The following WWOX variants were observed in gnomAD, a reference collection of about 807,000 sequenced individuals.
WWOX encodes WW domain containing oxidoreductase.
In WWOX, 69 loss-of-function variants were observed where a neutral mutation model predicts 46.2. The observed-to-expected ratio is 1.49, with a 90% confidence interval of 1.23 to 1.82. The LOEUF is 1.82. Among genes scored for constraint, WWOX ranks in the 40% most tolerant of loss-of-function variants. The pLI, the probability that WWOX is intolerant of heterozygous loss-of-function variation, is 0.00. For missense variants in WWOX, 919 were observed against 542.6 expected, an observed-to-expected ratio of 1.69 and a Z score of -6.89; for synonymous variants, 359 against 202.6, an observed-to-expected ratio of 1.77 and a Z score of -6.56.
intron 5 of WWOX, among the ~76,000 whole-genome samples, chr16:78,310,306 C>A (rs866491571): frequency 6.6e-6 from 1 of 152,212 alleles, no homozygotes; most frequent in South Asian, 2.1e-4. Context: ...GGCTTTGTCT[C>A]ACACCTCCTG....
intron 8 of WWOX, among the ~76,000 whole-genome samples, chr16:78,924,202 C>G (rs866113069): frequency 2.6e-5 from 4 of 152,042 alleles, no homozygotes; most frequent in Non-Finnish European, 4.4e-5. Flanking sequence ...GCTGGGAGGT[C>G]TCTGAAGCTT....
At chr16:78,808,079 A>G (rs900861519) in intron 8 of WWOX, among the ~76,000 whole-genome samples, 4 of 152,112 alleles carry the variant, frequency 2.6e-5, no homozygotes, top group Admixed American at 6.5e-5. Context: ...CCCCTTCCCC[A>G]TTTGGAGACT....
intron 8 of WWOX, among the ~76,000 whole-genome samples, chr16:78,862,895 T>C (rs544959023): frequency 3.6e-4 from 54 of 152,038 alleles, no homozygotes; most frequent in African/African-American, 1.3e-3. Context: ...TAACATAATA[T>C]CTGGGTATCC....
intron 5 of WWOX, among the ~76,000 whole-genome samples, chr16:78,291,967 G>A (rs905652926): frequency 6.6e-6 from 1 of 151,948 alleles, no homozygotes; most frequent in Non-Finnish European, 1.5e-5. Flanking sequence ...TGGATATTGG[G>A]TCAACCATAA....
Position 78,368,791 on chromosome 16 carries a change from C to A in WWOX, c.517-18069C>A, listed in dbSNP as rs535418291. Among the ~76,000 whole-genome samples, 10 of 152,240 alleles carry A rather than the reference C, an allele frequency of 6.6e-5. 1 individual carries two copies. Among genetic ancestry groups the A allele is most frequent in the African/African-American group, 2.4e-4 (10 of 41,542 alleles). On this transcript the variant is annotated intron_variant, in intron 5 of 8. Coordinates refer to ENST00000566780, the MANE Select transcript of WWOX (RefSeq NM_016373.4). Reference sequence around the variant, plus strand: ...AATTACCCATCGCGATTCATTTGTCCCATTGGGCCATGGGATAGGTGACTA... The same window carrying A: ...AATTACCCATCGCGATTCATTTGTCACATTGGGCCATGGGATAGGTGACTA...
intron 8 of WWOX, among the ~76,000 whole-genome samples, chr16:79,109,768 T>A (rs1183331270): frequency 6.6e-6 from 1 of 152,210 alleles, no homozygotes; most frequent in African/African-American, 2.4e-5. Flanking sequence ...AGCGTTCGCA[T>A]CAGATAACTA....
chr16:78,670,136 G>C (rs906420270), intron 8 of WWOX, among the ~76,000 whole-genome samples: 1 of 151,986 alleles, frequency 6.6e-6, no homozygotes, highest in Non-Finnish European at 1.5e-5. Flanking sequence ...CGTCAGTAGA[G>C]GCCAGCTGAG....
intron 8 of WWOX, among the ~76,000 whole-genome samples, chr16:78,690,881 A>T (rs1018501734): frequency 6.6e-6 from 1 of 152,214 alleles, no homozygotes. Context: ...GCACCGTATC[A>T]ATACCTGGGG....
At chr16:78,827,940 G>A (rs149500689) in intron 8 of WWOX, among the ~76,000 whole-genome samples, 3 of 152,324 alleles carry the variant, frequency 2.0e-5, no homozygotes, top group African/African-American at 7.2e-5. Context: ...TCAGAGTAAG[G>A]GGGCTAAGCT....
At chr16:78,522,713 A>T (rs1453974386) in intron 8 of WWOX, among the ~76,000 whole-genome samples, 1 of 152,268 alleles carries the variant, frequency 6.6e-6, no homozygotes, top group Non-Finnish European at 1.5e-5. Context: ...GGGCAAGGTT[A>T]CAACAGAGGA....
intron 8 of WWOX, among the ~76,000 whole-genome samples, chr16:78,741,916 C>T (rs1205487777): frequency 6.6e-6 from 1 of 152,116 alleles, no homozygotes; most frequent in Non-Finnish European, 1.5e-5. Context: ...TTTAGATAAA[C>T]AATGGATAAT....
chr16:78,943,056 T>C (rs900759394), intron 8 of WWOX, among the ~76,000 whole-genome samples: 2 of 152,326 alleles, frequency 1.3e-5, no homozygotes, highest in Non-Finnish European at 2.9e-5. Context: ...GCTTCCTGTT[T>C]TGTTAAATAA....
intron 8 of WWOX, chr16:79,016,883 T>C (rs536373654): frequency 6.6e-6 from 1 of 152,306 alleles, no homozygotes; most frequent in African/African-American, 2.4e-5. Flanking sequence ...TATTTTCTCA[T>C]CGTCTTATTA....
At chr16:78,603,604 G>T (rs1433577469) in intron 8 of WWOX, among the ~76,000 whole-genome samples, 1 of 152,158 alleles carries the variant, frequency 6.6e-6, no homozygotes, top group Non-Finnish European at 1.5e-5. Context: ...TGAGGCAGGA[G>T]AATCGCTTGA....
intron 5 of WWOX, among the ~76,000 whole-genome samples, chr16:78,165,171 G>T (rs72804972): frequency 0.018 from 2,780 of 152,290 alleles, 42 homozygotes; most frequent in Non-Finnish European, 0.03. Context: ...AGACATTAGA[G>T]GGTTTGAGCT....
chr16:79,177,424 C>CT (rs1374846238), intron 8 of WWOX, among the ~76,000 whole-genome samples: 1 of 152,140 alleles, frequency 6.6e-6, no homozygotes, highest in African/African-American at 2.4e-5. Context: ...AAAGGCAAGG[C>CT]TTTTACACAC....
At chr16:78,403,432 G>T (rs73571036) in intron 6 of WWOX, among the ~76,000 whole-genome samples, 1 of 152,176 alleles carries the variant, frequency 6.6e-6, no homozygotes, top group African/African-American at 2.4e-5. Context: ...TACTGCAGAA[G>T]TTCATAAATA....
chr16:78,446,671 T>A (rs1430069363), intron 8 of WWOX, among the ~76,000 whole-genome samples: 2 of 104,998 alleles, frequency 1.9e-5, no homozygotes, highest in Non-Finnish European at 3.4e-5. Flanking sequence ...TTTTTTTTTT[T>A]TTTTTTTTTT....
intron 8 of WWOX, among the ~76,000 whole-genome samples, chr16:78,905,014 G>A (rs1482131076): frequency 6.6e-6 from 1 of 152,098 alleles, no homozygotes; most frequent in Admixed American, 6.5e-5. Flanking sequence ...TATAACTACA[G>A]AAAATATATT....
Sources: allele counts gnomAD v4.1 joint callset (sites outside exome capture counted in the v4.1 genomes callset), GRCh38; gene constraint gnomAD v4.1.1; transcripts MANE v1.5; gene names NCBI Gene and HGNC (gene_info 2026-07-23, HGNC 2026-07-21).